Variants in REV3L observed in about 807,000 individuals in gnomAD.
REV3L encodes the protein DNA polymerase zeta catalytic subunit.
REV3L carries 69 observed loss-of-function variants against 299.4 expected under a neutral mutation model. The ratio of observed to expected loss-of-function variants is 0.23; its 90% CI spans 0.19 to 0.28. REV3L has a LOEUF of 0.28. Ranked by LOEUF, REV3L falls within the 10% of genes least tolerant of loss-of-function variation. The pLI is 1.00. For synonymous variants in REV3L, 1,238 were observed against 1,271.4 expected, an observed-to-expected ratio of 0.97 and a Z score of 0.56; for missense variants, 3,128 against 3,693.8, an observed-to-expected ratio of 0.85 and a Z score of 3.97.
chr6:111,451,446 CT>C (rs1789528324), intron 1 of REV3L, among the ~76,000 whole-genome samples: 1 of 152,100 alleles, frequency 6.6e-6, no homozygotes, highest in Non-Finnish European at 1.5e-5. Flanking sequence ...TGAAAGAGAA[CT>C]TTTAGGTGCA....
intron 25 of REV3L, among the ~76,000 whole-genome samples, chr6:111,327,838 T>A (rs964462583): frequency 1.3e-5 from 2 of 152,212 alleles, no homozygotes; most frequent in African/African-American, 4.8e-5. Context: ...GTTTCCACTA[T>A]AGATGGTATT....
At chr6:111,430,981 G>T in intron 1 of REV3L, 1 of 1,576,142 alleles carries the variant, frequency 6.3e-7, no homozygotes. Context: ...ATACTTTGCA[G>T]GGGTTCAAAG....
chr6:111,316,803 A>T (rs975050115), intron 26 of REV3L, among the ~76,000 whole-genome samples: 1 of 152,238 alleles, frequency 6.6e-6, no homozygotes. Context: ...AGACATTACA[A>T]ACACTTTGTG....
chr6:111,443,209 GAGTGC>G (rs1788475936), intron 1 of REV3L, among the ~76,000 whole-genome samples: 1 of 151,878 alleles, frequency 6.6e-6, no homozygotes, highest in Admixed American at 6.6e-5. Context: ...GCCCAGGCTG[GAGTGC>G]AGTGGCTCAC....
intron 16 of REV3L, chr6:111,361,526 A>C (rs189869108): frequency 6.6e-6 from 1 of 152,168 alleles, no homozygotes; most frequent in East Asian, 1.9e-4. Context: ...ATTTTTGTTT[A>C]CTAGATCAAA....
intron 31 of REV3L, among the ~76,000 whole-genome samples, chr6:111,302,778 T>A (rs994891245): frequency 2.6e-5 from 4 of 152,122 alleles, no homozygotes; most frequent in Non-Finnish European, 5.9e-5. Context: ...GGTGCATGCC[T>A]GTAATCCCAG....
At chr6:111,461,486 T>C (rs1790770342) in intron 1 of REV3L, among the ~76,000 whole-genome samples, 2 of 152,064 alleles carry the variant, frequency 1.3e-5, no homozygotes. Context: ...AGGCTAATTA[T>C]TGAAGACTTT....
At chr6:111,324,486 G>C (rs1328978174) in intron 25 of REV3L, among the ~76,000 whole-genome samples, 1 of 152,172 alleles carries the variant, frequency 6.6e-6, no homozygotes, top group Admixed American at 6.5e-5. Flanking sequence ...TGAGGAAAAA[G>C]AGCTGCATAA....
intron 1 of REV3L, among the ~76,000 whole-genome samples, chr6:111,462,717 T>C (rs1790945043): frequency 6.6e-6 from 1 of 152,208 alleles, no homozygotes; most frequent in Non-Finnish European, 1.5e-5. Flanking sequence ...TATAGATTGG[T>C]ATGATCACTT....
intron 1 of REV3L, among the ~76,000 whole-genome samples, chr6:111,426,209 T>C (rs887137663): frequency 3.3e-5 from 5 of 152,196 alleles, no homozygotes; most frequent in Non-Finnish European, 5.9e-5. Flanking sequence ...TTGAATTCAA[T>C]TGTAGAACAC....
At chr6:111,476,869 G>A (rs1793004290) in intron 1 of REV3L, among the ~76,000 whole-genome samples, 1 of 152,068 alleles carries the variant, frequency 6.6e-6, no homozygotes, top group Non-Finnish European at 1.5e-5. Context: ...CGAATCTCAT[G>A]TCTCCCACTA....
At chr6:111,405,108 TA>T (rs879801110) in intron 4 of REV3L, among the ~76,000 whole-genome samples, 426 of 143,726 alleles carry the variant, frequency 3.0e-3, no homozygotes, top group Admixed American at 2.7e-3. Context: ...GGTCTGAGGT[TA>T]AAAAAAAAAA....
intron 1 of REV3L, among the ~76,000 whole-genome samples, chr6:111,448,117 T>C (rs1789072730): frequency 6.6e-6 from 1 of 152,066 alleles, no homozygotes; most frequent in African/African-American, 2.4e-5. Flanking sequence ...AACGATCAGG[T>C]ATAAGGACTA....
chr6:111,483,413 A>T (rs1169178595), upstream of REV3L: 10 of 416,228 alleles, frequency 2.4e-5, no homozygotes, highest in Non-Finnish European at 4.3e-5. Flanking sequence ...GGCGGCCGGC[A>T]GCGCCCGCGC....
At chr6:111,465,986 ACTAG>A (rs1302324511) in intron 1 of REV3L, among the ~76,000 whole-genome samples, 2 of 152,218 alleles carry the variant, frequency 1.3e-5, no homozygotes, top group Non-Finnish European at 2.9e-5. Flanking sequence ...CCATCTATGA[ACTAG>A]CTGTTTGCTA....
In REV3L at chr6:111,376,112, G is replaced by A; in HGVS notation, c.2243C>T (p.Ser748Leu). Residue 748 changes from serine (S) to leucine (L), a missense_variant, in exon 13 of 32, where the codon TCA becomes TTA. Transcript: ENST00000368802. ...SSFTENCELLSCSGENRTMVH... is the reference protein window; with the variant it reads ...SSFTENCELLLCSGENRTMVH... ...CATAGTTCTATTCTCCCCTGAGCAT[G>A]ACAGTAATTCACAATTTTCAGTAAA... 6.2e-7 allele frequency: 1 copy of A among 1,613,318 alleles called. No individual in the cohort carries two copies. Among genetic ancestry groups the A allele is most frequent in the Non-Finnish European group, 8.5e-7 (1 of 1,179,938 alleles).
intron 12 of REV3L, among the ~76,000 whole-genome samples, chr6:111,377,001 T>C (rs12190135): frequency 0.11 from 16,345 of 152,278 alleles, 1,156 homozygotes; most frequent in Middle Eastern, 0.2. Flanking sequence ...ACTATTTAGT[T>C]CCTTTGGGGC....
intron 1 of REV3L, among the ~76,000 whole-genome samples, chr6:111,462,793 G>A (rs1001728650): frequency 1.3e-5 from 2 of 151,836 alleles, no homozygotes; most frequent in Admixed American, 6.6e-5. Context: ...TTCTTATGAC[G>A]AATAAATAGT....
chr6:111,463,716 C>T (rs4945880), intron 1 of REV3L, among the ~76,000 whole-genome samples: 8,238 of 152,148 alleles, frequency 0.054, 495 homozygotes, highest in East Asian at 0.32. Context: ...TTTTGTTCAA[C>T]TTCATTTTAT....
Sources: gnomAD v4.1 joint callset for allele counts (sites outside exome capture counted in the v4.1 genomes callset) on GRCh38, gnomAD v4.1.1 for gene constraint, MANE v1.5 for transcripts, NCBI Gene and HGNC (gene_info 2026-07-23, HGNC 2026-07-21) for gene names.